AP2B1: variants seen among roughly 807,000 people sequenced by gnomAD.
The protein encoded by AP2B1 is AP-2 complex subunit beta.
A neutral mutation model predicts 102.0 loss-of-function variants in AP2B1; 23 were observed. That is an observed-to-expected ratio of 0.23 (90% confidence interval 0.16 to 0.32). The LOEUF (loss-of-function observed/expected upper bound fraction) is 0.32. Among genes scored for constraint, AP2B1 ranks in the 10% least tolerant of loss-of-function variants. The pLI, the probability that AP2B1 is intolerant of heterozygous loss-of-function variation, is 1.00. For synonymous variants in AP2B1, 381 were observed against 421.2 expected (o/e 0.90, Z 1.17); for missense variants, 541 against 1,157.4 (o/e 0.47, Z 7.73).
chr17:35,600,939 G>A (rs1387484131), intron 3 of AP2B1: 1 of 927,734 alleles, frequency 1.1e-6, no homozygotes, highest in Non-Finnish European at 1.3e-6. Context: ...TGCTCCAGGT[G>A]CTGCTCTTCT....
At chr17:35,720,573 A>ATATATATATT (rs1324333805) in intron 21 of AP2B1, among the ~76,000 whole-genome samples, 14 of 28,048 alleles carry the variant, frequency 5.0e-4, no homozygotes, top group South Asian at 2.0e-3. Flanking sequence ...ATATATATAT[A>ATATATATATT]TTTTTTTTTT....
intron 2 of AP2B1, among the ~76,000 whole-genome samples, chr17:35,596,598 C>G (rs1041669008): frequency 5.3e-5 from 8 of 151,794 alleles, no homozygotes; most frequent in African/African-American, 1.9e-4. Flanking sequence ...GCCTGCCAGG[C>G]CCGGCGGCCA....
Position 35,657,607 on chromosome 17 carries a change from C to G in AP2B1, c.1805C>G (p.Ala602Gly), listed in dbSNP as rs1342134014. 2.5e-6 allele frequency: 4 copies of G among 1,612,436 alleles called. No individual in the cohort carries two copies. The African/African-American group carries it at 4.0e-5, about 16-fold the overall frequency. Residue 602 changes from alanine to glycine, a missense_variant, in exon 14 of 22, where the codon GCA becomes GGA. Transcript: ENST00000610402. Reference protein sequence around the residue: ...HLPIHHGSTDAGDSPVGTTTA... With the variant: ...HLPIHHGSTDGGDSPVGTTTA... ...TGTGTATGTGACTTTAGCACTGATG[C>G]AGGTGACAGCCCTGTTGGCACTACC...
intron 4 of AP2B1, among the ~76,000 whole-genome samples, chr17:35,606,197 G>T (rs1424621898): frequency 1.3e-5 from 2 of 151,600 alleles, no homozygotes; most frequent in African/African-American, 4.8e-5. Flanking sequence ...GACTGCCGGA[G>T]TTTCTACTTT....
At chr17:35,709,790 C>T (rs924536250) in intron 19 of AP2B1, among the ~76,000 whole-genome samples, 45 of 149,556 alleles carry the variant, frequency 3.0e-4, no homozygotes, top group African/African-American at 1.1e-3. Flanking sequence ...TCAGAACTCC[C>T]GATGTGCCTA....
Position 35,720,545 on chromosome 17 carries a change from T to TATATATA in AP2B1, c.2782-3080_2782-3079insATATATA, listed in dbSNP as rs1568062926. On this transcript the variant is annotated intron_variant, in intron 21 of 21. Transcript: ENST00000610402. ...TTTGTCCCATATATTTTTATTTTAT[T>TATATATA]TATATATATATATATATATATATAT... Among the ~76,000 whole-genome samples, 272 of 54,320 alleles carry TATATATA rather than the reference T, an allele frequency of 5.0e-3. 15 individuals carry two copies. The highest frequency in any genetic ancestry group is 0.016 in the South Asian group (19 of 1,168). The allele number at this position is 54,320 out of a possible 152,430, so 35.6% of individuals were successfully genotyped here.
intron 2 of AP2B1, among the ~76,000 whole-genome samples, chr17:35,595,580 T>A (rs1425782046): frequency 6.6e-6 from 1 of 152,076 alleles, no homozygotes; most frequent in Non-Finnish European, 1.5e-5. Context: ...GCTCCCCAGA[T>A]TATTTTAATG....
intron 12 of AP2B1, among the ~76,000 whole-genome samples, chr17:35,648,291 G>A (rs1290967735): frequency 1.3e-5 from 2 of 152,104 alleles, no homozygotes; most frequent in South Asian, 4.1e-4. Flanking sequence ...TGAGGTGGGC[G>A]GATGACTTAA....
intron 5 of AP2B1, among the ~76,000 whole-genome samples, chr17:35,614,993 G>A (rs901048009): frequency 1.3e-5 from 2 of 152,174 alleles, no homozygotes; most frequent in African/African-American, 2.4e-5. Flanking sequence ...CAAACCTGAT[G>A]GGAGGAGTGC....
At chr17:35,670,794 G>T (rs986074125) in intron 14 of AP2B1, 63 bp from the exon 15 acceptor site, 11 of 1,501,044 alleles carry the variant, frequency 7.3e-6, no homozygotes, top group Admixed American at 1.7e-5. Flanking sequence ...TTCTATATGG[G>T]CATCTAGTAT....
intron 5 of AP2B1, among the ~76,000 whole-genome samples, chr17:35,623,735 C>T (rs1012211856): frequency 1.1e-4 from 16 of 152,116 alleles, no homozygotes; most frequent in African/African-American, 3.9e-4. Context: ...GGTAATATAA[C>T]CAGCCACCTT....
At chr17:35,657,411 A>T (rs1014342795) in intron 13 of AP2B1, among the ~76,000 whole-genome samples, 188 bp from the exon 14 acceptor site, 22 of 152,326 alleles carry the variant, frequency 1.4e-4, no homozygotes, top group African/African-American at 5.3e-4. Flanking sequence ...TAGCAGCTGT[A>T]TTTTGATAAA....
chr17:35,645,408 T>C (rs2074901438), intron 12 of AP2B1, among the ~76,000 whole-genome samples: 2 of 152,176 alleles, frequency 1.3e-5, no homozygotes. Context: ...CTTAGTGCTT[T>C]TAAGTAAAAT....
intron 9 of AP2B1, among the ~76,000 whole-genome samples, chr17:35,630,898 GT>G (rs142884829): frequency 0.017 from 2,610 of 152,216 alleles, 49 homozygotes; most frequent in African/African-American, 0.047. Flanking sequence ...TCCTGTAACT[GT>G]TTCAGCCATG....
At chr17:35,601,297 G>A (rs1476319498) in intron 3 of AP2B1, among the ~76,000 whole-genome samples, 2 of 152,118 alleles carry the variant, frequency 1.3e-5, no homozygotes, top group Non-Finnish European at 2.9e-5. Flanking sequence ...TGCGTAATTA[G>A]GATTCATAGT....
At chr17:35,677,916 A>G (rs978795973) in intron 17 of AP2B1, among the ~76,000 whole-genome samples, 54 of 149,864 alleles carry the variant, frequency 3.6e-4, no homozygotes, top group African/African-American at 4.9e-5. Context: ...CTGGAATGCA[A>G]TGGTGTCATC....
rs2074084219 is a variant in AP2B1 at position 35,618,426 on chromosome 17, T to C, written c.526-5971T>C. 2.0e-5 allele frequency among the ~76,000 whole-genome samples: 3 copies of C among 152,202 alleles called. No individual in the cohort carries two copies. The South Asian group carries it at 6.2e-4, about 32-fold the overall frequency. On this transcript the variant is annotated intron_variant, in intron 5 of 21. Transcript: ENST00000610402. ...TCTTCAGGGATACCAGCCAAAATAA[T>C]TGTAAATTGAGCAGAAAAACTGAAG...
At chr17:35,629,618 T>G (rs1219918512) in intron 9 of AP2B1, among the ~76,000 whole-genome samples, 1 of 152,204 alleles carries the variant, frequency 6.6e-6, no homozygotes, top group Non-Finnish European at 1.5e-5. Flanking sequence ...ATATAATTTT[T>G]TAATTGAGAT....
At chr17:35,722,508 T>G (rs191607313) in intron 21 of AP2B1, among the ~76,000 whole-genome samples, 4 of 152,360 alleles carry the variant, frequency 2.6e-5, no homozygotes, top group Admixed American at 2.6e-4. Flanking sequence ...GGGGTTTTTT[T>G]GCATTTTAAA....
Sources: gnomAD v4.1 joint callset for allele counts (sites outside exome capture counted in the v4.1 genomes callset) on GRCh38, gnomAD v4.1.1 for gene constraint, MANE v1.5 for transcripts, NCBI Gene and HGNC (gene_info 2026-07-23, HGNC 2026-07-21) for gene names.